Variants in PPARGC1A observed in about 807,000 individuals in gnomAD.
The protein encoded by PPARGC1A is peroxisome proliferator-activated receptor gamma coactivator 1-alpha.
A neutral mutation model predicts 88.7 loss-of-function variants in PPARGC1A; 25 were observed. The ratio of observed to expected loss-of-function variants is 0.28; its 90% CI spans 0.21 to 0.39. The LOEUF (loss-of-function observed/expected upper bound fraction) is 0.39. Ranked by LOEUF, PPARGC1A falls within the 10% of genes least tolerant of loss-of-function variation. The pLI, the probability that PPARGC1A is intolerant of heterozygous loss-of-function variation, is 1.00. For synonymous variants in PPARGC1A, 363 were observed against 355.6 expected (o/e 1.02, Z -0.24); for missense variants, 880 against 968.7 (o/e 0.91, Z 1.22).
chr4:23,898,809 A>G (rs1025887759), intron 1 of PPARGC1A, among the ~76,000 whole-genome samples: 4 of 151,202 alleles, frequency 2.6e-5, no homozygotes, highest in African/African-American at 9.7e-5. Flanking sequence ...ACAAAAAAAC[A>G]ACTTTAACAA....
intron 2 of PPARGC1A, among the ~76,000 whole-genome samples, chr4:23,837,800 T>G (rs1348711654): frequency 6.6e-6 from 1 of 152,198 alleles, no homozygotes; most frequent in South Asian, 2.1e-4. Flanking sequence ...ACTTTTATAA[T>G]AGATTCAGGA....
the PPARGC1A span, among the ~76,000 whole-genome samples, chr4:24,299,411 G>A: frequency 3.3e-5 from 5 of 152,304 alleles, no homozygotes; most frequent in Non-Finnish European, 5.9e-5. Context: ...CTAAGCAAGT[G>A]TGACTTAGGA....
At chr4:24,101,134 A>G in the PPARGC1A span, among the ~76,000 whole-genome samples, 11 of 152,282 alleles carry the variant, frequency 7.2e-5, no homozygotes, top group Admixed American at 5.9e-4. Context: ...GTGGGAGGTG[A>G]TTGGAACACG....
chr4:24,344,959 T>G, the PPARGC1A span, among the ~76,000 whole-genome samples: 3 of 152,190 alleles, frequency 2.0e-5, no homozygotes, highest in African/African-American at 7.2e-5. Context: ...TCCAGTTTCA[T>G]TCTCCTACAT....
the PPARGC1A span, among the ~76,000 whole-genome samples, chr4:24,459,095 C>CT: frequency 2.6e-5 from 4 of 151,878 alleles, no homozygotes; most frequent in Non-Finnish European, 5.9e-5. Flanking sequence ...TATCAGTTTC[C>CT]TGGGTATATT....
intron 12 of PPARGC1A, among the ~76,000 whole-genome samples, chr4:23,798,575 T>C (rs953939638): frequency 3.3e-5 from 5 of 152,196 alleles, no homozygotes; most frequent in African/African-American, 7.2e-5. Context: ...TAATTTATAA[T>C]GTATGTGTCA....
chr4:24,117,295 A>G, the PPARGC1A span, among the ~76,000 whole-genome samples: 2 of 152,166 alleles, frequency 1.3e-5, no homozygotes, highest in Admixed American at 1.3e-4. Context: ...CAGAGCTAAC[A>G]TTAGTACCAA....
At chr4:23,936,825 GC>G in the PPARGC1A span, among the ~76,000 whole-genome samples, 1 of 152,056 alleles carries the variant, frequency 6.6e-6, no homozygotes, top group Non-Finnish European at 1.5e-5. Flanking sequence ...AGTCGAGATC[GC>G]ACGACTGCAC....
the PPARGC1A span, among the ~76,000 whole-genome samples, chr4:24,179,525 C>A: frequency 6.6e-6 from 1 of 152,100 alleles, no homozygotes; most frequent in Non-Finnish European, 1.5e-5. Context: ...GTAGAACAAG[C>A]CCATGCTAGC....
At chr4:24,017,253 G>GA in the PPARGC1A span, among the ~76,000 whole-genome samples, 4 of 152,030 alleles carry the variant, frequency 2.6e-5, no homozygotes, top group Non-Finnish European at 5.9e-5. Flanking sequence ...TTGGATCAAA[G>GA]AAAAAAACCA....
At chr4:23,982,975 T>C in the PPARGC1A span, among the ~76,000 whole-genome samples, 2 of 152,162 alleles carry the variant, frequency 1.3e-5, no homozygotes, top group African/African-American at 4.8e-5. Context: ...TCCCCCTTTT[T>C]TACACACTGT....
the PPARGC1A span, among the ~76,000 whole-genome samples, chr4:24,103,062 A>G: frequency 6.6e-6 from 1 of 152,224 alleles, no homozygotes; most frequent in African/African-American, 2.4e-5. Context: ...CAGAGGCTCA[A>G]AAATGTTGAC....
At chr4:23,954,255 C>A in the PPARGC1A span, among the ~76,000 whole-genome samples, 1 of 152,164 alleles carries the variant, frequency 6.6e-6, no homozygotes, top group South Asian at 2.1e-4. Context: ...TCCACTCTAG[C>A]AGTTTAGTAA....
chr4:23,832,644 C>G (rs1214897501), intron 2 of PPARGC1A, among the ~76,000 whole-genome samples: 1 of 144,382 alleles, frequency 6.9e-6, no homozygotes, highest in East Asian at 2.0e-4. Flanking sequence ...GGGTCTTGCT[C>G]TATCGCCCAG....
chr4:23,923,126 T>G, the PPARGC1A span, among the ~76,000 whole-genome samples: 2 of 151,804 alleles, frequency 1.3e-5, no homozygotes, highest in African/African-American at 2.4e-5. Context: ...GTTTTTTTTT[T>G]TTTTTTTTTT....
the PPARGC1A span, among the ~76,000 whole-genome samples, chr4:23,981,611 G>C: frequency 1.2e-3 from 189 of 152,268 alleles, 1 homozygote; most frequent in African/African-American, 4.5e-3. Context: ...CAGAAAGGGA[G>C]AGCCCAGGTC....
the PPARGC1A span, among the ~76,000 whole-genome samples, chr4:23,965,335 A>G: frequency 6.6e-6 from 1 of 152,194 alleles, no homozygotes; most frequent in African/African-American, 2.4e-5. Flanking sequence ...TTCACCTCTT[A>G]TCATTTCTAT....
chr4:23,809,311 A>T (rs961245381), intron 10 of PPARGC1A, among the ~76,000 whole-genome samples: 1 of 152,190 alleles, frequency 6.6e-6, no homozygotes, highest in South Asian at 2.1e-4. Context: ...AAAAAAATTC[A>T]TGTAGGTAAA....
the PPARGC1A span, among the ~76,000 whole-genome samples, chr4:23,997,297 A>G: frequency 2.0e-5 from 3 of 152,116 alleles, no homozygotes; most frequent in Non-Finnish European, 4.4e-5. Flanking sequence ...CTATCTATGG[A>G]CAGAATCTAA....
Sources: gnomAD v4.1 joint callset for allele counts (sites outside exome capture counted in the v4.1 genomes callset) on GRCh38, gnomAD v4.1.1 for gene constraint, MANE v1.5 for transcripts, NCBI Gene and HGNC (gene_info 2026-07-23, HGNC 2026-07-21) for gene names.